Variants in APP observed in about 807,000 individuals in gnomAD.
The protein encoded by APP is amyloid-beta precursor protein.
Under a neutral mutation model 101.4 loss-of-function variants are expected in APP, and 31 were observed. The ratio of observed to expected loss-of-function variants is 0.31; its 90% CI spans 0.23 to 0.41. The LOEUF (loss-of-function observed/expected upper bound fraction) is 0.41. APP is among the 10% of genes least tolerant of loss of function. The probability of loss-of-function intolerance (pLI) is 1.00; values close to 1 mark genes in which losing one functional copy is unlikely to be tolerated. For missense variants in APP, 839 were observed against 1,003.7 expected, an observed-to-expected ratio of 0.84 and a Z score of 2.22; for synonymous variants, 366 against 364.4, an observed-to-expected ratio of 1.00 and a Z score of -0.05.
At chr21:26,127,241 C>T (rs999323233) in intron 1 of APP, among the ~76,000 whole-genome samples, 3 of 151,736 alleles carry the variant, frequency 2.0e-5, no homozygotes, top group African/African-American at 7.3e-5. Context: ...GGGCAAAGTT[C>T]ACCAGGAAGC....
intron 8 of APP, among the ~76,000 whole-genome samples, chr21:25,992,693 G>T (rs1341881968): frequency 6.6e-6 from 1 of 152,136 alleles, no homozygotes; most frequent in African/African-American, 2.4e-5. Context: ...AGATACCAAA[G>T]ATTTAGCTTT....
intron 8 of APP, among the ~76,000 whole-genome samples, chr21:25,983,796 CCT>C (rs550909766): frequency 2.3e-3 from 345 of 152,206 alleles, no homozygotes; most frequent in African/African-American, 7.9e-3. Context: ...CACAGCTGCC[CCT>C]GTCTTCTCTG....
intron 1 of APP, among the ~76,000 whole-genome samples, chr21:26,155,477 T>C (rs2063356852): frequency 6.6e-6 from 1 of 152,204 alleles, no homozygotes; most frequent in Non-Finnish European, 1.5e-5. Context: ...CTAACGGTCC[T>C]ATTATACCTC....
chr21:26,003,916 C>T (rs1015249287), intron 6 of APP, among the ~76,000 whole-genome samples: 2 of 152,192 alleles, frequency 1.3e-5, no homozygotes, highest in African/African-American at 4.8e-5. Context: ...TCCTCTATCA[C>T]TCATAATTAT....
At chr21:26,002,404 C>T (rs1394039161) in intron 6 of APP, among the ~76,000 whole-genome samples, 3 of 528 alleles carry the variant, frequency 5.7e-3, no homozygotes, top group African/African-American at 5.7e-3. Flanking sequence ...TCAACTATAG[C>T]CAGCAGTGGT....
At chr21:25,979,272 G>T (rs536885537) in intron 9 of APP, among the ~76,000 whole-genome samples, 11 of 152,190 alleles carry the variant, frequency 7.2e-5, no homozygotes, top group African/African-American at 2.6e-4. Context: ...TTAAAAAACC[G>T]CACAATTTTT....
At chr21:26,056,155 A>T (rs1365284548) in intron 3 of APP, among the ~76,000 whole-genome samples, 1 of 152,146 alleles carries the variant, frequency 6.6e-6, no homozygotes, top group African/African-American at 2.4e-5. Flanking sequence ...CTCCCACCTC[A>T]GCCTCCTGAG....
At chr21:26,068,044 A>G (rs1046135126) in intron 3 of APP, 5 of 152,224 alleles carry the variant, frequency 3.3e-5, no homozygotes, top group African/African-American at 1.2e-4. Flanking sequence ...GTGTTCCGTG[A>G]GGCAAAAGAA....
chr21:25,932,894 C>G (rs571338547), intron 13 of APP, among the ~76,000 whole-genome samples: 4 of 152,304 alleles, frequency 2.6e-5, no homozygotes, highest in Non-Finnish European at 5.9e-5. Context: ...ACTTCAGTAA[C>G]AGGTAATGAA....
intron 13 of APP, among the ~76,000 whole-genome samples, chr21:25,947,397 C>T (rs1052720988): frequency 2.0e-5 from 3 of 152,210 alleles, no homozygotes; most frequent in Non-Finnish European, 4.4e-5. Flanking sequence ...AGTGTACTGG[C>T]ATTCACACAT....
At position 25,955,677 on chromosome 21, in the gene APP, C is replaced by T. The variant is rs1258503294; in HGVS notation, c.1537G>A (p.Glu513Lys). ...KDRQHTLKHF[E>K]HVRMVDPKKA... ...TTGGGATCCACCATGCGCACATGCT[C>T]GAAATGCTTTAGGGTGTGCTGTCTG... The change falls in exon 12 of 18, where the codon GAG becomes AAG. Residue 513 changes from glutamate to lysine, a missense_variant. Physicochemically the swap from Glu to Lys is moderately conservative, Grantham distance 56. Coordinates refer to ENST00000346798, the MANE Select transcript of APP (RefSeq NM_000484.4). 6 of 1,614,006 alleles carry T rather than the reference C, an allele frequency of 3.7e-6. No individual in the cohort carries two copies. The highest frequency in any genetic ancestry group is 3.3e-5 in the Admixed American group (2 of 59,986).
rs181147182 is a variant in APP at position 26,139,014 on chromosome 21, G to A, written c.58-26868C>T. On this transcript the variant is annotated intron_variant, in intron 1 of 17. Coordinates refer to ENST00000346798, the MANE Select transcript of APP (RefSeq NM_000484.4). ...GGAATTGTGACACGGTTACACTTTCGTATATATCAAGTTACTCCCATACAT... is the reference window on the plus strand; with the variant it reads ...GGAATTGTGACACGGTTACACTTTCATATATATCAAGTTACTCCCATACAT... Among the ~76,000 whole-genome samples, 270 of 152,136 alleles carry A rather than the reference G, an allele frequency of 1.8e-3. 1 individual carries two copies. Among genetic ancestry groups the A allele is most frequent in the African/African-American group, 6.0e-3 (251 of 41,506 alleles).
chr21:26,112,284 C>G (rs887760484), intron 1 of APP, 138 bp from the exon 2 acceptor site: 1 of 855,952 alleles, frequency 1.2e-6, no homozygotes, highest in Non-Finnish European at 1.9e-6. Context: ...TTCAACACTC[C>G]TTTAGATTAA....
chr21:25,890,722 C>CA (rs10686276), intron 17 of APP, among the ~76,000 whole-genome samples: 18,493 of 114,582 alleles, frequency 0.16, 1,749 homozygotes, highest in Admixed American at 0.19. Context: ...GAGACTGTCT[C>CA]AAAAAAAAAA....
chr21:26,042,559 G>A (rs1300221540), intron 5 of APP, among the ~76,000 whole-genome samples: 1 of 152,140 alleles, frequency 6.6e-6, no homozygotes, highest in Non-Finnish European at 1.5e-5. Flanking sequence ...CCTACAAATT[G>A]AGCCTGTGCA....
chr21:26,161,931 T>TG (rs968973675), intron 1 of APP, among the ~76,000 whole-genome samples: 32 of 152,136 alleles, frequency 2.1e-4, no homozygotes, highest in African/African-American at 7.5e-4. Flanking sequence ...TTTTGAAAGA[T>TG]AAAAAAATCA....
intron 3 of APP, among the ~76,000 whole-genome samples, chr21:26,055,061 G>C (rs149654535): frequency 3.9e-5 from 6 of 152,252 alleles, no homozygotes; most frequent in East Asian, 3.9e-4. Context: ...ACTGTATCTT[G>C]TCATTCCTTA....
chr21:25,883,043 G>A (rs1429871271), intron 17 of APP, among the ~76,000 whole-genome samples: 1 of 152,160 alleles, frequency 6.6e-6, no homozygotes, highest in African/African-American at 2.4e-5. Flanking sequence ...AAGACATGAG[G>A]TCTCGAGATG....
chr21:25,890,595 C>T lies in APP; in HGVS notation c.2211+1127G>A, dbSNP rs142455505. 2.7e-3 allele frequency among the ~76,000 whole-genome samples: 413 copies of T among 152,056 alleles called. 1 individual carries two copies. Among genetic ancestry groups the T allele is most frequent in the African/African-American group, 9.2e-3 (382 of 41,486 alleles). ...GTCTCTACTAAAAACAAAAATTAGC[C>T]GGGCATGGTGGCGTGTGCCCATAGT... On this transcript the variant is annotated intron_variant, in intron 17 of 17. Transcript: ENST00000346798.
Sources: allele counts gnomAD v4.1 joint callset (sites outside exome capture counted in the v4.1 genomes callset), GRCh38; gene constraint gnomAD v4.1.1; transcripts MANE v1.5; gene names NCBI Gene and HGNC (gene_info 2026-07-23, HGNC 2026-07-21).